Variants in OR3A2 observed in about 807,000 individuals in gnomAD.
OR3A2 encodes olfactory receptor 3A2.
For missense variants in OR3A2, 318 were observed against 392.8 expected (o/e 0.81, Z 1.61); for synonymous variants, 126 against 159.3 (o/e 0.79, Z 1.57).
chr17:3,345,885 A>C lies in OR3A2; in HGVS notation c.-178-9759T>G, dbSNP rs867871755. On this transcript the variant is annotated intron_variant, in intron 2 of 4. Transcript: ENST00000573491. ...AAACTAAATTCACCCCAAGACAATC[A>C]CTGTGAAATTTCAGATCACTAAGAT... 5.9e-5 allele frequency among the ~76,000 whole-genome samples: 9 copies of C among 152,280 alleles called. No individual in the cohort carries two copies. The South Asian group carries it at 1.9e-3, about 32-fold the overall frequency.
chr17:3,348,627 C>T (rs1324199307), intron 2 of OR3A2, among the ~76,000 whole-genome samples: 1 of 152,078 alleles, frequency 6.6e-6, no homozygotes, highest in East Asian at 1.9e-4. Context: ...TCCAGGAGAA[C>T]TTCCCCAATC....
chr17:3,322,598 C>A lies in OR3A2; in HGVS notation c.-85+13435G>T, dbSNP rs1228067495. On this transcript the variant is annotated intron_variant, in intron 3 of 4. Transcript: ENST00000573491. ...GTTTGATCCCATTGGTTTCAAAGAA[C>A]ATCTTTATTTCTGCCTTCATTTCGT... Among the ~76,000 whole-genome samples, 3 of 152,138 alleles carry A rather than the reference C, an allele frequency of 2.0e-5. No individual in the cohort carries two copies. In the South Asian group the frequency reaches 6.2e-4, roughly 32 times the overall value.
chr17:3,281,114 G>C (rs987157628), intron 1 of OR3A2, among the ~76,000 whole-genome samples: 1 of 152,158 alleles, frequency 6.6e-6, no homozygotes, highest in African/African-American at 2.4e-5. Flanking sequence ...GTGACTTACA[G>C]CCAGTATCAA....
At chr17:3,318,651 T>C (rs2049095335) in intron 3 of OR3A2, among the ~76,000 whole-genome samples, 1 of 152,244 alleles carries the variant, frequency 6.6e-6, no homozygotes, top group Non-Finnish European at 1.5e-5. Context: ...GGCTACATCA[T>C]TTGACAACTG....
chr17:3,324,695 T>G (rs935373728), intron 3 of OR3A2, among the ~76,000 whole-genome samples: 2 of 152,094 alleles, frequency 1.3e-5, no homozygotes, highest in African/African-American at 4.8e-5. Context: ...CCGCAAATGC[T>G]GCTGCCTGAT....
chr17:3,307,240 C>T (rs955402522), intron 3 of OR3A2, among the ~76,000 whole-genome samples: 1 of 152,212 alleles, frequency 6.6e-6, no homozygotes. Context: ...GAGGAAGTTC[C>T]CTTCCTTAAC....
intron 3 of OR3A2, among the ~76,000 whole-genome samples, chr17:3,320,700 A>G (rs552456396): frequency 6.6e-6 from 1 of 151,950 alleles, no homozygotes; most frequent in South Asian, 2.1e-4. Context: ...GATAGGCGGC[A>G]TTATTTCTGA....
At chr17:3,350,317 T>G (rs894474955) in intron 2 of OR3A2, among the ~76,000 whole-genome samples, 268 of 149,504 alleles carry the variant, frequency 1.8e-3, no homozygotes, top group Middle Eastern at 3.4e-3. Context: ...GAGATAAGAA[T>G]CAAATAGATG....
chr17:3,349,001 A>T (rs1445737861), intron 2 of OR3A2, among the ~76,000 whole-genome samples: 1 of 152,182 alleles, frequency 6.6e-6, no homozygotes, highest in Non-Finnish European at 1.5e-5. Context: ...TGTCGCCACC[A>T]GGCCTGCACT....
chr17:3,353,512 TG>T (rs1025512715), intron 2 of OR3A2, among the ~76,000 whole-genome samples: 3 of 151,866 alleles, frequency 2.0e-5, no homozygotes, highest in Non-Finnish European at 2.9e-5. Context: ...GTCATATACA[TG>T]GCTTTCATTA....
chr17:3,371,437 C>T (rs1307509130), intron 2 of OR3A2, among the ~76,000 whole-genome samples: 2 of 124,030 alleles, frequency 1.6e-5, no homozygotes, highest in African/African-American at 5.4e-5. Flanking sequence ...CCCCCCACCT[C>T]CCTCCCGGAC....
chr17:3,327,938 C>T (rs1198090836), intron 3 of OR3A2, among the ~76,000 whole-genome samples: 1 of 118,690 alleles, frequency 8.4e-6, no homozygotes, highest in Non-Finnish European at 1.7e-5. Context: ...GTACCAGTAC[C>T]ATGCTGTTTT....
intron 3 of OR3A2, among the ~76,000 whole-genome samples, chr17:3,307,150 C>G (rs1045496544): frequency 6.6e-6 from 1 of 152,174 alleles, no homozygotes; most frequent in Non-Finnish European, 1.5e-5. Context: ...TATGGGAAGA[C>G]AGAGGAAGGC....
At chr17:3,340,997 T>A (rs1465095662) in intron 2 of OR3A2, among the ~76,000 whole-genome samples, 1 of 152,206 alleles carries the variant, frequency 6.6e-6, no homozygotes, top group African/African-American at 2.4e-5. Flanking sequence ...TCTTGTTGAA[T>A]TGATCCCTTT....
At chr17:3,307,952 C>T (rs1597330609) in intron 3 of OR3A2, among the ~76,000 whole-genome samples, 2 of 152,140 alleles carry the variant, frequency 1.3e-5, no homozygotes, top group African/African-American at 2.4e-5. Flanking sequence ...ATCTCAACAC[C>T]GTCCCCAACA....
chr17:3,281,104 G>C (rs1192039663), intron 1 of OR3A2, among the ~76,000 whole-genome samples: 2 of 152,182 alleles, frequency 1.3e-5, no homozygotes, highest in Non-Finnish European at 2.9e-5. Context: ...CCTGGAACAA[G>C]TGACTTACAG....
intron 2 of OR3A2, among the ~76,000 whole-genome samples, chr17:3,345,984 A>G (rs1318483905): frequency 6.6e-6 from 1 of 152,174 alleles, no homozygotes; most frequent in Admixed American, 6.5e-5. Flanking sequence ...CATGCAAAGG[A>G]TGAATGAAAG....
At chr17:3,372,084 G>A (rs200207403) in intron 2 of OR3A2, among the ~76,000 whole-genome samples, 19,018 of 124,620 alleles carry the variant, frequency 0.15, 1,794 homozygotes, top group East Asian at 0.4. Flanking sequence ...GTTGCCAGGC[G>A]GAGGGTCTCC....
At chr17:3,330,172 A>G (rs1212278019) in intron 3 of OR3A2, among the ~76,000 whole-genome samples, 2 of 150,774 alleles carry the variant, frequency 1.3e-5, no homozygotes. Flanking sequence ...GTGGTGCTGA[A>G]AAAAATGTAT....
Sources: allele counts gnomAD v4.1 joint callset (sites outside exome capture counted in the v4.1 genomes callset), GRCh38; gene constraint gnomAD v4.1.1; transcripts MANE v1.5; gene names NCBI Gene and HGNC (gene_info 2026-07-23, HGNC 2026-07-21).